Variants in OR5BS1 observed in about 807,000 individuals in gnomAD.
OR5BS1 encodes olfactory receptor family 5 subfamily BS member 1.
the OR5BS1 span, among the ~76,000 whole-genome samples, chr12:48,562,601 T>C: frequency 1.7e-4 from 26 of 152,306 alleles, no homozygotes; most frequent in African/African-American, 6.0e-4. Context: ...AGCTCACTTA[T>C]GTTTGGAAGT....
the OR5BS1 span, among the ~76,000 whole-genome samples, chr12:48,562,586 G>A: frequency 6.6e-6 from 1 of 152,132 alleles, no homozygotes; most frequent in Non-Finnish European, 1.5e-5. Context: ...ATAACTTTCT[G>A]TGTGAGCTCA....
chr12:48,560,464 A>G, the OR5BS1 span: 1 of 401,658 alleles, frequency 2.5e-6, no homozygotes. Context: ...CCCCTGCGCT[A>G]GCATCGTCTC....
At chr12:48,560,243 AC>A in the OR5BS1 span, 1 of 401,160 alleles carries the variant, frequency 2.5e-6, no homozygotes, top group South Asian at 1.3e-4. Flanking sequence ...ATGGCCTATG[AC>A]CGGTTTCAGG....
the OR5BS1 span, chr12:48,560,802 T>C: frequency 2.5e-6 from 1 of 394,954 alleles, no homozygotes; most frequent in Non-Finnish European, 4.5e-6. Context: ...GCTGTATGAA[T>C]TGTAAAGAAT....
the OR5BS1 span, among the ~76,000 whole-genome samples, chr12:48,561,341 T>C: frequency 1.3e-5 from 2 of 152,222 alleles, no homozygotes; most frequent in African/African-American, 2.4e-5. Flanking sequence ...AAAGCTTACA[T>C]ATGTTGTAGC....
At chr12:48,561,024 G>A in the OR5BS1 span, among the ~76,000 whole-genome samples, 1 of 151,294 alleles carries the variant, frequency 6.6e-6, no homozygotes, top group Non-Finnish European at 1.5e-5. Context: ...AATTGCTTCA[G>A]CCTCGGAGGC....
chr12:48,561,949 C>CT, the OR5BS1 span, among the ~76,000 whole-genome samples: 1 of 2,622 alleles, frequency 3.8e-4, no homozygotes, highest in East Asian at 0.083. Context: ...AGTAAAATGA[C>CT]TATTTTTTTT....
the OR5BS1 span, chr12:48,562,715 G>A: frequency 2.5e-6 from 1 of 399,578 alleles, no homozygotes; most frequent in Non-Finnish European, 4.4e-6. Context: ...TCTTTGCAGG[G>A]AGGGGATGAA....
chr12:48,562,331 C>G, the OR5BS1 span, among the ~76,000 whole-genome samples: 17 of 152,282 alleles, frequency 1.1e-4, 1 homozygote, highest in African/African-American at 4.1e-4. Flanking sequence ...TTTACATGAA[C>G]AGTCATCACA....
the OR5BS1 span, among the ~76,000 whole-genome samples, chr12:48,562,433 A>G: frequency 2.0e-5 from 3 of 152,230 alleles, no homozygotes; most frequent in Non-Finnish European, 2.9e-5. Context: ...TGCTTTGAAG[A>G]GTATGAAATG....
chr12:48,560,698 T>C, the OR5BS1 span: 3 of 400,540 alleles, frequency 7.5e-6, no homozygotes, highest in African/African-American at 2.0e-5. Flanking sequence ...GGATATTCCT[T>C]ACCCTAAGTG....
chr12:48,560,972 G>A, the OR5BS1 span, among the ~76,000 whole-genome samples: 8 of 152,112 alleles, frequency 5.3e-5, no homozygotes, highest in Admixed American at 3.3e-4. Context: ...GTGTGGTCAC[G>A]TGCACCTGTA....
At chr12:48,562,739 C>A in the OR5BS1 span, 1 of 401,048 alleles carries the variant, frequency 2.5e-6, no homozygotes, top group Admixed American at 4.4e-5. Flanking sequence ...TTGCTGCCAA[C>A]AGTGAGAATT....
the OR5BS1 span, chr12:48,562,650 C>A: frequency 2.5e-6 from 1 of 395,052 alleles, no homozygotes; most frequent in Non-Finnish European, 4.5e-6. Context: ...ACAGATCAGC[C>A]ATTTCTAGAT....
the OR5BS1 span, chr12:48,559,948 G>A: frequency 2.0e-4 from 81 of 401,976 alleles, no homozygotes; most frequent in East Asian, 2.8e-3. Context: ...CAACCCTCAG[G>A]TTCAGGCACT....
At chr12:48,560,996 G>A in the OR5BS1 span, among the ~76,000 whole-genome samples, 3 of 151,704 alleles carry the variant, frequency 2.0e-5, no homozygotes, top group Admixed American at 6.6e-5. Context: ...CTAGCTACTC[G>A]GGAGGCTGAG....
At chr12:48,560,656 TATGTC>T in the OR5BS1 span, 1 of 401,194 alleles carries the variant, frequency 2.5e-6, no homozygotes, top group East Asian at 3.6e-5. Flanking sequence ...AGTTCTCAGG[TATGTC>T]ATACTATACC....
the OR5BS1 span, chr12:48,559,936 A>G: frequency 5.0e-6 from 2 of 401,648 alleles, no homozygotes; most frequent in East Asian, 3.6e-5. Context: ...AGGACTGTCC[A>G]ACAACCCTCA....
chr12:48,562,872 C>A, the OR5BS1 span: 2 of 402,092 alleles, frequency 5.0e-6, no homozygotes, highest in Non-Finnish European at 8.8e-6. Context: ...CCCTGCTGAA[C>A]CCCCTCATCT....
Sources: allele counts gnomAD v4.1 joint callset (sites outside exome capture counted in the v4.1 genomes callset), GRCh38; gene constraint gnomAD v4.1.1; transcripts MANE v1.5; gene names NCBI Gene and HGNC (gene_info 2026-07-23, HGNC 2026-07-21).